The following C16orf96 variants were observed in gnomAD, a reference collection of about 807,000 sequenced individuals.
The protein encoded by C16orf96 is uncharacterized protein C16orf96.
Under a neutral mutation model 103.6 loss-of-function variants are expected in C16orf96, and 108 were observed. That is an observed-to-expected ratio of 1.04 (90% CI 0.89 to 1.22). The LOEUF is 1.22. Among genes scored for constraint, C16orf96 ranks in the 50% most tolerant of loss-of-function variants. The pLI, the probability that C16orf96 is intolerant of heterozygous loss-of-function variation, is 0.00. For missense variants in C16orf96, 1,586 were observed against 1,464.2 expected (o/e 1.08, Z -1.36); for synonymous variants, 566 against 593.5 (o/e 0.95, Z 0.67).
chr16:4,550,638 T>C, the C16orf96 span, among the ~76,000 whole-genome samples: 1 of 152,122 alleles, frequency 6.6e-6, no homozygotes, highest in East Asian at 1.9e-4. Context: ...AACCTGCAAA[T>C]GTTTACCTCC....
chr16:4,590,964 G>A (rs936215075), intron 9 of C16orf96, among the ~76,000 whole-genome samples: 7 of 151,998 alleles, frequency 4.6e-5, no homozygotes, highest in East Asian at 1.9e-4. Context: ...CCTGGGAGGC[G>A]GAGGTTGCAG....
intron 1 of C16orf96, among the ~76,000 whole-genome samples, chr16:4,559,316 G>T (rs2059302649): frequency 6.6e-6 from 1 of 152,070 alleles, no homozygotes; most frequent in Non-Finnish European, 1.5e-5. Flanking sequence ...GCCGAGGCAG[G>T]TGGGTCACTT....
chr16:4,570,423 G>GA (rs2059425292), intron 1 of C16orf96, among the ~76,000 whole-genome samples: 1 of 148,694 alleles, frequency 6.7e-6, no homozygotes, highest in South Asian at 2.1e-4. Context: ...CCTCTGAGTG[G>GA]AAAAAAACTC....
Position 4,600,215 on chromosome 16 carries a change from A to G in C16orf96, c.3324A>G (p.Leu1108=). The G allele has an allele frequency of 1.3e-6, 2 of 1,551,402 alleles. No individual in the cohort carries two copies. The highest frequency in any genetic ancestry group is 1.7e-6 in the Non-Finnish European group (2 of 1,146,896). The change falls in exon 16 of 16, where the codon CTA becomes CTG. Residue 1108 remains leucine (L), a synonymous_variant. Coordinates refer to ENST00000444310, the MANE Select transcript of C16orf96 (RefSeq NM_001145011.2). The part of the protein sequence containing the change: ...LLLLPPLIPS[L]RDPQQAPGST... The stretch of plus-strand genomic sequence containing the variant: ...TGCTGCCACCGCTGATTCCATCCCT[A>G]AGGGACCCCCAGCAGGCCCCAGGGT...
At chr16:4,547,602 TTTCC>T in the C16orf96 span, among the ~76,000 whole-genome samples, 358 of 151,996 alleles carry the variant, frequency 2.4e-3, 2 homozygotes, top group African/African-American at 8.0e-3. Flanking sequence ...TCCTCTCCTC[TTTCC>T]TTCCTTTCTT....
chr16:4,569,660 A>T (rs2059416112), intron 1 of C16orf96, among the ~76,000 whole-genome samples: 1 of 145,396 alleles, frequency 6.9e-6, no homozygotes, highest in Non-Finnish European at 1.5e-5. Context: ...TGAACCCGGG[A>T]GGTGAAGGTT....
intron 2 of C16orf96, among the ~76,000 whole-genome samples, chr16:4,574,167 A>C (rs1441744325): frequency 6.6e-6 from 1 of 151,430 alleles, no homozygotes; most frequent in Non-Finnish European, 1.5e-5. Context: ...TTGCTCATTC[A>C]AGGCTCTGGG....
At position 4,600,120 on chromosome 16, in the gene C16orf96, G is replaced by T; in HGVS notation, c.3229G>T (p.Ala1077Ser). Residue 1077 changes from alanine (A) to serine (S), a missense_variant, in exon 16 of 16, where the codon GCC becomes TCC. Coordinates refer to ENST00000444310, the MANE Select transcript of C16orf96 (RefSeq NM_001145011.2). ...CCCAGCCCTGTGCCCCCGCTCCAGTGCCTGCTCAGCTGCCTCGGGCCCTCA... is the reference window on the plus strand; with the variant it reads ...CCCAGCCCTGTGCCCCCGCTCCAGTTCCTGCTCAGCTGCCTCGGGCCCTCA... ...ICPPLCPRSSACSAASGPHLT... is the reference protein window; with the variant it reads ...ICPPLCPRSSSCSAASGPHLT... 6.4e-7 allele frequency: 1 copy of T among 1,551,576 alleles called. No individual in the cohort carries two copies. Among genetic ancestry groups the T allele is most frequent in the East Asian group, 2.4e-5 (1 of 40,912 alleles).
chr16:4,583,410 G>T (rs1192452734), intron 7 of C16orf96, among the ~76,000 whole-genome samples: 3 of 152,122 alleles, frequency 2.0e-5, no homozygotes, highest in Non-Finnish European at 4.4e-5. Context: ...GGAGGCTGAG[G>T]CAGGAGAATC....
intron 9 of C16orf96, among the ~76,000 whole-genome samples, chr16:4,589,850 A>G (rs926708557): frequency 4.6e-5 from 7 of 151,876 alleles, no homozygotes; most frequent in African/African-American, 1.5e-4. Context: ...TCGGCTAGGC[A>G]CGGTGGCTCA....
At chr16:4,558,891 G>C (rs2141690174) in intron 1 of C16orf96, among the ~76,000 whole-genome samples, 1 of 146,426 alleles carries the variant, frequency 6.8e-6, no homozygotes, top group Admixed American at 6.9e-5. Flanking sequence ...TTCCAGCCTG[G>C]TGACAGAGCG....
Position 4,572,401 on chromosome 16 carries a change from GCC to G in C16orf96, c.525+737_525+738del, listed in dbSNP as rs1268827837. On this transcript the variant is annotated intron_variant, in intron 2 of 15. Transcript: ENST00000444310. Reference sequence around the variant, plus strand: ...TGCAACCTCCACCTCCCGGGTTCACGCCATTCTCCTGTCTCAGCCTCCCGAGT... The same window carrying G: ...TGCAACCTCCACCTCCCGGGTTCACGATTCTCCTGTCTCAGCCTCCCGAGT... Among the ~76,000 whole-genome samples the G allele has an allele frequency of 2.0e-3, 306 of 149,958 alleles. 5 individuals are homozygous for G. The highest frequency in any genetic ancestry group is 7.3e-3 in the African/African-American group (296 of 40,784).
chr16:4,577,113 C>T (rs1388066978), intron 5 of C16orf96, among the ~76,000 whole-genome samples: 1 of 152,064 alleles, frequency 6.6e-6, no homozygotes, highest in Non-Finnish European at 1.5e-5. Flanking sequence ...ATCGCTTGAA[C>T]CCAGGAGGCA....
intron 1 of C16orf96, among the ~76,000 whole-genome samples, chr16:4,568,032 C>G (rs1225284408): frequency 1.3e-5 from 2 of 151,872 alleles, no homozygotes; most frequent in Admixed American, 6.6e-5. Context: ...GTTTTAAGCC[C>G]TGTCTATGGG....
At chr16:4,598,545 G>A (rs1270065694) in intron 14 of C16orf96, among the ~76,000 whole-genome samples, 1 of 152,074 alleles carries the variant, frequency 6.6e-6, no homozygotes, top group Non-Finnish European at 1.5e-5. Flanking sequence ...GCAACGCTGT[G>A]TGCGTCCTAA....
chr16:4,585,331 C>G (rs1896899262), intron 7 of C16orf96, among the ~76,000 whole-genome samples: 1 of 148,394 alleles, frequency 6.7e-6, no homozygotes, highest in African/African-American at 2.5e-5. Flanking sequence ...GGTGGTGTCA[C>G]CTGCAGTCCC....
chr16:4,580,310 A>ACACCCC (rs1555506247), intron 7 of C16orf96, among the ~76,000 whole-genome samples, 185 bp downstream of exon 7: 1 of 104,504 alleles, frequency 9.6e-6, no homozygotes, highest in Non-Finnish European at 2.0e-5. Context: ...GAATCCCACC[A>ACACCCC]CCCCCCCCCA....
intron 1 of C16orf96, among the ~76,000 whole-genome samples, chr16:4,564,403 C>G (rs2141700066): frequency 6.6e-6 from 1 of 152,312 alleles, no homozygotes; most frequent in East Asian, 1.9e-4. Context: ...TAAGGGGATG[C>G]TAACAACCTA....
At chr16:4,599,968 C>T in intron 15 of C16orf96, 132 bp from the exon 16 acceptor site, 1 of 937,972 alleles carries the variant, frequency 1.1e-6, no homozygotes, top group Non-Finnish European at 1.6e-6. Context: ...GTATGGTGCC[C>T]AGCCGGCCAT....
Sources: gnomAD v4.1 joint callset for allele counts (sites outside exome capture counted in the v4.1 genomes callset) on GRCh38, gnomAD v4.1.1 for gene constraint, MANE v1.5 for transcripts, NCBI Gene and HGNC (gene_info 2026-07-23, HGNC 2026-07-21) for gene names.